The following HCN1 variants were observed in gnomAD, a reference collection of about 807,000 sequenced individuals.
HCN1 encodes the protein potassium/sodium hyperpolarization-activated cyclic nucleotide-gated channel 1.
HCN1 carries 13 observed loss-of-function variants against 78.9 expected under a neutral mutation model. That is an observed-to-expected ratio of 0.16 (90% confidence interval 0.11 to 0.26). The LOEUF is 0.26. HCN1 is among the 10% of genes least tolerant of loss of function. The pLI is 1.00. For synonymous variants in HCN1, 552 were observed against 455.5 expected (o/e 1.21, Z -2.70); for missense variants, 810 against 1,154.3 (o/e 0.70, Z 4.32).
chr5:45,346,528 A>C (rs1055710874), intron 5 of HCN1, among the ~76,000 whole-genome samples: 9 of 152,136 alleles, frequency 5.9e-5, no homozygotes. Flanking sequence ...CAGTAGGTGC[A>C]GTGCACCATG....
intron 2 of HCN1, among the ~76,000 whole-genome samples, chr5:45,580,505 T>A (rs767142326): frequency 6.6e-6 from 1 of 152,036 alleles, no homozygotes. Flanking sequence ...AGACTTCTGA[T>A]CTACAGAGCT....
chr5:45,271,863 C>A (rs1301639425), intron 6 of HCN1, among the ~76,000 whole-genome samples: 1 of 152,062 alleles, frequency 6.6e-6, no homozygotes, highest in Non-Finnish European at 1.5e-5. Context: ...ATATAAAGGA[C>A]TTTGTTCATT....
At chr5:45,346,630 T>C (rs978119725) in intron 5 of HCN1, among the ~76,000 whole-genome samples, 7 of 152,120 alleles carry the variant, frequency 4.6e-5, no homozygotes, top group Admixed American at 3.9e-4. Context: ...GGGTGACAGA[T>C]GGCACCTGGA....
intron 3 of HCN1, among the ~76,000 whole-genome samples, chr5:45,443,463 C>T (rs1272368979): frequency 6.6e-6 from 1 of 152,000 alleles, no homozygotes; most frequent in African/African-American, 2.4e-5. Flanking sequence ...ACTCTCCTCT[C>T]CAACAGGTTT....
intron 1 of HCN1, among the ~76,000 whole-genome samples, chr5:45,666,792 C>A (rs539629180): frequency 6.6e-6 from 1 of 151,938 alleles, no homozygotes; most frequent in African/African-American, 2.4e-5. Flanking sequence ...AATACCACAG[C>A]TTTAATAAAT....
chr5:45,274,926 G>A (rs566746879), intron 6 of HCN1, among the ~76,000 whole-genome samples: 32 of 152,288 alleles, frequency 2.1e-4, no homozygotes, highest in Admixed American at 5.2e-4. Context: ...TTTAAAGGAA[G>A]TGCAATGATT....
chr5:45,588,544 T>C (rs1430445689), intron 2 of HCN1, among the ~76,000 whole-genome samples: 2 of 152,076 alleles, frequency 1.3e-5, no homozygotes, highest in Admixed American at 1.3e-4. Context: ...CCTGACCCCC[T>C]CCTCTAAATG....
At chr5:45,355,655 G>T (rs1746993200) in intron 4 of HCN1, among the ~76,000 whole-genome samples, 1 of 151,816 alleles carries the variant, frequency 6.6e-6, no homozygotes, top group South Asian at 2.1e-4. Context: ...ATACATCATT[G>T]GTGACTAAGA....
In HCN1 at chr5:45,261,648, TACA is replaced by T. The variant is rs1271629010; in HGVS notation, c.*270_*272del. On this transcript the variant is annotated 3_prime_UTR_variant, in exon 8 of 8. Transcript: ENST00000303230. ...AAAGTAGGTTAGAAATAAATAATCTTACAACGACATTTTAAATCCTTTAATGAT... is the reference window on the plus strand; with the variant it reads ...AAAGTAGGTTAGAAATAAATAATCTTACGACATTTTAAATCCTTTAATGAT... 3.8e-6 allele frequency: 1 copy of T among 261,236 alleles called. No homozygotes were observed. The highest frequency in any genetic ancestry group is 2.2e-5 in the African/African-American group (1 of 45,114). 16.2% of individuals were successfully genotyped at this position (261,236 alleles called of 1,614,324 possible).
intron 1 of HCN1, among the ~76,000 whole-genome samples, chr5:45,663,993 A>G (rs1437677384): frequency 7.0e-6 from 1 of 143,838 alleles, no homozygotes; most frequent in African/African-American, 2.6e-5. Context: ...ATGCTGCTAT[A>G]AAGACACATG....
chr5:45,466,638 A>G (rs1193046159), intron 2 of HCN1, among the ~76,000 whole-genome samples: 9 of 152,152 alleles, frequency 5.9e-5, no homozygotes, highest in South Asian at 2.1e-4. Context: ...AATTAAAAAA[A>G]CAGCTACTCA....
intron 1 of HCN1, chr5:45,695,245 C>G (rs1026095207): frequency 4.9e-6 from 1 of 205,928 alleles, no homozygotes; most frequent in African/African-American, 2.4e-5. Flanking sequence ...TCTTCTGAGC[C>G]CCAGAAGCCT....
chr5:45,527,605 TTCTC>T (rs763230107), intron 2 of HCN1, among the ~76,000 whole-genome samples: 12 of 150,920 alleles, frequency 8.0e-5, no homozygotes, highest in South Asian at 6.3e-4. Context: ...TCTCTCTCTT[TTCTC>T]TCTCTTTCTC....
Position 45,696,213 on chromosome 5 carries a change from CGCGGCG to C in HCN1, c.-126_-121del, listed in dbSNP as rs745670367. On this transcript the variant is annotated 5_prime_UTR_variant, in exon 1 of 8. Transcript: ENST00000303230. ...GCTGCCGGCGAGCCCAGCTGCCCGTCGCGGCGGCGGCGGCGGCGGCGGCGGCTGCTG... is the reference window on the plus strand; with the variant it reads ...GCTGCCGGCGAGCCCAGCTGCCCGTCGCGGCGGCGGCGGCGGCGGCTGCTG... The C allele has an allele frequency of 2.9e-3, 1,191 of 407,202 alleles. 8 individuals are homozygous for C. The highest frequency in any genetic ancestry group is 3.0e-3 in the Non-Finnish European group (872 of 291,474). 25.2% of individuals were successfully genotyped at this position (407,202 alleles called of 1,614,324 possible).
intron 2 of HCN1, among the ~76,000 whole-genome samples, chr5:45,626,162 A>G (rs1745159766): frequency 6.6e-6 from 1 of 152,234 alleles, no homozygotes; most frequent in South Asian, 2.1e-4. Flanking sequence ...AACCCAAATC[A>G]TGTGTATGTC....
intron 2 of HCN1, among the ~76,000 whole-genome samples, chr5:45,613,851 G>GT (rs1473133175): frequency 6.6e-6 from 1 of 152,086 alleles, no homozygotes; most frequent in African/African-American, 2.4e-5. Context: ...AAATTAGTAT[G>GT]TTTTATACTC....
intron 3 of HCN1, among the ~76,000 whole-genome samples, chr5:45,459,479 T>A (rs1223238243): frequency 6.8e-6 from 1 of 148,030 alleles, no homozygotes; most frequent in East Asian, 2.0e-4. Flanking sequence ...TTAAAAAAGG[T>A]TGAAGGTTGG....
intron 2 of HCN1, among the ~76,000 whole-genome samples, chr5:45,483,111 T>TG (rs1274362961): frequency 1.3e-5 from 2 of 152,220 alleles, no homozygotes; most frequent in Non-Finnish European, 2.9e-5. Flanking sequence ...TTATTTTCTT[T>TG]GGGGTATATA....
At position 45,262,102 on chromosome 5, in the gene HCN1, C is replaced by T. The variant is rs756131996; in HGVS notation, c.2492G>A (p.Gly831Asp). 2 of 1,612,756 alleles carry T rather than the reference C, an allele frequency of 1.2e-6. No homozygotes were observed. Among genetic ancestry groups the T allele is most frequent in the Non-Finnish European group, 1.7e-6 (2 of 1,179,192 alleles). Reference protein sequence around the residue: ...AVPGTGLQAGGRSTVPQRVTL... With the variant: ...AVPGTGLQAGDRSTVPQRVTL... Reference sequence around the variant, plus strand: ...GACGCGCTGCGGGACAGTGCTCCTGCCCCCTGCCTGAAGGCCCGTTCCGGG... The same window carrying T: ...GACGCGCTGCGGGACAGTGCTCCTGTCCCCTGCCTGAAGGCCCGTTCCGGG... The change falls in exon 8 of 8, where the codon GGC becomes GAC. Residue 831 changes from glycine to aspartate, a missense_variant. This residue lies in a region of HCN1 where 398 missense variants were observed against 381.3 expected (regional missense o/e 1.04). Coordinates refer to ENST00000303230, the MANE Select transcript of HCN1 (RefSeq NM_021072.4).
Sources: allele counts gnomAD v4.1 joint callset (sites outside exome capture counted in the v4.1 genomes callset), GRCh38; gene constraint gnomAD v4.1.1; regional missense constraint gnomAD v4.1.1; transcripts MANE v1.5; gene names NCBI Gene and HGNC (gene_info 2026-07-23, HGNC 2026-07-21).